RIMS2: variants seen among roughly 807,000 people sequenced by gnomAD.
RIMS2 encodes regulating synaptic membrane exocytosis 2, also known as regulating synaptic membrane exocytosis protein 2.
In RIMS2, 59 loss-of-function variants were observed where a neutral mutation model predicts 174.4. The observed-to-expected ratio is 0.34, with a 90% CI of 0.27 to 0.42. The LOEUF (loss-of-function observed/expected upper bound fraction) is 0.42. Ranked by LOEUF, RIMS2 falls within the 10% of genes least tolerant of loss-of-function variation. The pLI, the probability that RIMS2 is intolerant of heterozygous loss-of-function variation, is 1.00. For missense variants in RIMS2, 1,620 were observed against 1,666.3 expected, an observed-to-expected ratio of 0.97 and a Z score of 0.48; for synonymous variants, 606 against 572.5, an observed-to-expected ratio of 1.06 and a Z score of -0.84.
chr8:103,823,094 A>C (rs2098763351), intron 3 of RIMS2, among the ~76,000 whole-genome samples: 1 of 151,902 alleles, frequency 6.6e-6, no homozygotes, highest in African/African-American at 2.4e-5. Flanking sequence ...CGTCTTTTTT[A>C]TACAACGAAG....
intron 1 of RIMS2, among the ~76,000 whole-genome samples, chr8:103,543,824 C>T (rs1440299818): frequency 6.6e-6 from 1 of 152,180 alleles, no homozygotes; most frequent in Non-Finnish European, 1.5e-5. Flanking sequence ...CCTGATGTCA[C>T]ACCATGTGCA....
chr8:104,122,421 T>A (rs1413766896), intron 19 of RIMS2, among the ~76,000 whole-genome samples: 4 of 152,074 alleles, frequency 2.6e-5, no homozygotes, highest in Non-Finnish European at 5.9e-5. Context: ...GGAGGGGTGA[T>A]CTTATACAAA....
intron 1 of RIMS2, among the ~76,000 whole-genome samples, chr8:103,696,523 A>G (rs964743428): frequency 3.3e-5 from 5 of 152,220 alleles, no homozygotes; most frequent in Non-Finnish European, 7.3e-5. Context: ...TATAATTTCA[A>G]TAAATATTTC....
chr8:104,097,000 A>G (rs1203244903), intron 19 of RIMS2, among the ~76,000 whole-genome samples: 2 of 152,216 alleles, frequency 1.3e-5, no homozygotes, highest in African/African-American at 4.8e-5. Context: ...GAGAAAATAT[A>G]TCTGAGTATT....
At chr8:103,719,232 C>T (rs1387109776) in intron 2 of RIMS2, among the ~76,000 whole-genome samples, 3 of 152,170 alleles carry the variant, frequency 2.0e-5, no homozygotes, top group African/African-American at 7.2e-5. Context: ...ATGACATTGT[C>T]AAGCCACTGA....
intron 13 of RIMS2, among the ~76,000 whole-genome samples, chr8:103,937,385 G>A (rs1595482914): frequency 6.6e-6 from 1 of 152,130 alleles, no homozygotes. Flanking sequence ...TGAACAGACT[G>A]TACCACTAAT....
At chr8:104,131,514 C>T (rs1247694139) in intron 19 of RIMS2, among the ~76,000 whole-genome samples, 1 of 151,896 alleles carries the variant, frequency 6.6e-6, no homozygotes, top group African/African-American at 2.4e-5. Flanking sequence ...CATAGACAAC[C>T]TGGAATAATC....
chr8:104,100,797 T>TAC (rs2097856914), intron 19 of RIMS2, among the ~76,000 whole-genome samples: 1 of 142,570 alleles, frequency 7.0e-6, no homozygotes, highest in Non-Finnish European at 1.5e-5. Context: ...AATTTCCTGT[T>TAC]ATATATATAT....
chr8:103,927,875 G>A (rs2079081692), exon 11 of RIMS2: 1 of 1,607,812 alleles, frequency 6.2e-7, no homozygotes. Flanking sequence ...AACGCCTTTT[G>A]TTCCTAGGGT....
chr8:103,778,574 G>A lies in RIMS2; in HGVS notation c.698+12037G>A, dbSNP rs758762463. ...GACCTCCAGTTCCATCCATGTTGCT[G>A]CAAATGACAGGATTTCATTCTTTTT... On this transcript the variant is annotated intron_variant, in intron 3 of 23. Coordinates refer to ENST00000504942, the Ensembl canonical transcript of RIMS2. Among the ~76,000 whole-genome samples the A allele has an allele frequency of 2.6e-5, 4 of 152,018 alleles. No individual in the cohort carries two copies. The East Asian group carries it at 7.7e-4, about 29-fold the overall frequency.
intron 19 of RIMS2, among the ~76,000 whole-genome samples, chr8:104,087,853 G>A (rs1029210500): frequency 2.6e-5 from 4 of 152,066 alleles, no homozygotes; most frequent in Non-Finnish European, 5.9e-5. Context: ...CCAGACTGAG[G>A]CATGATGTTC....
At chr8:104,115,054 A>G (rs1019702872) in intron 19 of RIMS2, among the ~76,000 whole-genome samples, 13 of 152,098 alleles carry the variant, frequency 8.5e-5, no homozygotes, top group African/African-American at 3.1e-4. Flanking sequence ...ATGTAAGAGT[A>G]CTGATCTGAA....
chr8:103,515,894 ATTAAC>A (rs1471671645), intron 1 of RIMS2, among the ~76,000 whole-genome samples: 2 of 152,074 alleles, frequency 1.3e-5, no homozygotes, highest in Non-Finnish European at 2.9e-5. Flanking sequence ...AGTGTCAGTT[ATTAAC>A]TTAATACTGT....
chr8:104,152,212 A>T (rs987867518), intron 19 of RIMS2, among the ~76,000 whole-genome samples: 2 of 152,192 alleles, frequency 1.3e-5, no homozygotes, highest in Non-Finnish European at 2.9e-5. Context: ...GTTATATCAT[A>T]AAGTTCCTTC....
chr8:103,792,200 A>G (rs1329053213), intron 3 of RIMS2, among the ~76,000 whole-genome samples: 1 of 152,186 alleles, frequency 6.6e-6, no homozygotes, highest in East Asian at 1.9e-4. Context: ...ATGTAAAACA[A>G]CAGAAATTAT....
At chr8:103,648,975 T>C (rs1263206761) in intron 1 of RIMS2, among the ~76,000 whole-genome samples, 5 of 152,236 alleles carry the variant, frequency 3.3e-5, no homozygotes, top group Non-Finnish European at 5.9e-5. Context: ...AATTTGATTC[T>C]GTCATCATGA....
At chr8:104,200,632 G>A (rs866079712) in intron 19 of RIMS2, among the ~76,000 whole-genome samples, 1 of 152,216 alleles carries the variant, frequency 6.6e-6, no homozygotes, top group African/African-American at 2.4e-5. Context: ...TGAGAGGCCG[G>A]GCGTGGCGCT....
intron 1 of RIMS2, among the ~76,000 whole-genome samples, chr8:103,529,479 T>G (rs1301704637): frequency 6.6e-6 from 1 of 152,176 alleles, no homozygotes; most frequent in Non-Finnish European, 1.5e-5. Flanking sequence ...ACTGGAAAAG[T>G]GCAGTATTAG....
intron 19 of RIMS2, among the ~76,000 whole-genome samples, chr8:104,175,216 T>C (rs2098874701): frequency 6.6e-6 from 1 of 152,194 alleles, no homozygotes; most frequent in African/African-American, 2.4e-5. Flanking sequence ...CAACAAGTTT[T>C]TTTTTCAGAA....
Sources: gnomAD v4.1 joint callset for allele counts (sites outside exome capture counted in the v4.1 genomes callset) on GRCh38, gnomAD v4.1.1 for gene constraint, MANE v1.5 for transcripts, NCBI Gene and HGNC (gene_info 2026-07-23, HGNC 2026-07-21) for gene names.